Variants in GLI4 observed in about 807,000 individuals in gnomAD.
The protein encoded by GLI4 is GLI family zinc finger 4.
A neutral mutation model predicts 30.9 loss-of-function variants in GLI4; 34 were observed. That is an observed-to-expected ratio of 1.10 (90% CI 0.84 to 1.47). The LOEUF is 1.47. Ranked by LOEUF, GLI4 falls within the 40% of genes most tolerant of loss-of-function variation. The pLI is 0.00. For synonymous variants in GLI4, 277 were observed against 236.7 expected, an observed-to-expected ratio of 1.17 and a Z score of -1.56; for missense variants, 696 against 538.9, an observed-to-expected ratio of 1.29 and a Z score of -2.89.
At chr8:143,275,195 A>G (rs1214961204) in intron 3 of GLI4, 2 of 1,535,420 alleles carry the variant, frequency 1.3e-6, no homozygotes, top group Admixed American at 3.9e-5. Flanking sequence ...CATCCCCTAG[A>G]TGGCCTCCCC....
chr8:143,276,391 G>A lies in GLI4; in HGVS notation c.718G>A (p.Glu240Lys), dbSNP rs1201263692. ...HRIHTGEKPY[E>K]CGQCGRAFSH... Reference sequence around the variant, plus strand: ...CATCCACACGGGCGAGAAGCCCTACGAGTGCGGCCAGTGCGGCCGCGCCTT... The same window carrying A: ...CATCCACACGGGCGAGAAGCCCTACAAGTGCGGCCAGTGCGGCCGCGCCTT... Residue 240 changes from glutamate to lysine, a missense_variant, in exon 4 of 4, where the codon GAG becomes AAG. Glu to Lys is a moderately conservative substitution (Grantham distance 56). Coordinates refer to ENST00000340042, the MANE Select transcript of GLI4 (RefSeq NM_138465.4). 6.2e-7 allele frequency: 1 copy of A among 1,612,432 alleles called. No homozygotes were observed. Among genetic ancestry groups the A allele is most frequent in the East Asian group, 2.2e-5 (1 of 44,846 alleles).
Position 143,276,680 on chromosome 8 carries a change from C to T in GLI4, c.1007C>T (p.Ser336Leu), listed in dbSNP as rs148900662. The part of the protein sequence containing the change: ...SDCGKAFRGR[S>L]HFFRHLRTHT... ...TGCGGCAAAGCCTTCCGCGGCCGCT[C>T]GCACTTCTTCCGGCACCTGCGGACC... is the stretch of plus-strand genomic sequence containing the variant. The change falls in exon 4 of 4, where the codon TCG becomes TTG. Residue 336 changes from serine to leucine, a missense_variant. Transcript: ENST00000340042. 1.4e-3 allele frequency: 2,264 copies of T among 1,611,458 alleles called. 44 individuals are homozygous for T. Among genetic ancestry groups the T allele is most frequent in the Non-Finnish European group, 1.3e-4 (159 of 1,179,336 alleles).
rs775438304 is a variant in GLI4, at chr8:143,269,387, C to A, written c.-10C>A. Reference sequence around the variant, plus strand: ...CCCAGGTGTGACACCTTCAGCAGGTCTCAGGGAAGATGGCAGCCCTAGGGG... The same window carrying A: ...CCCAGGTGTGACACCTTCAGCAGGTATCAGGGAAGATGGCAGCCCTAGGGG... On this transcript the variant is annotated 5_prime_UTR_variant, in exon 2 of 4. Coordinates refer to ENST00000340042, the MANE Select transcript of GLI4 (RefSeq NM_138465.4). The A allele has an allele frequency of 6.2e-7, 1 of 1,611,470 alleles. No homozygotes were observed. The highest frequency in any genetic ancestry group is 1.7e-5 in the Admixed American group (1 of 59,826).
chr8:143,275,244 C>T, intron 3 of GLI4: 1 of 1,527,492 alleles, frequency 6.5e-7, no homozygotes. Flanking sequence ...CCCTGCACCT[C>T]CCCCTTGAGA....
intron 2 of GLI4, chr8:143,272,312 C>G (rs1815289076): frequency 6.6e-6 from 1 of 152,352 alleles, no homozygotes; most frequent in African/African-American, 2.4e-5. Flanking sequence ...CCCCCAGCGC[C>G]TAGCTTGCTC....
At chr8:143,274,417 G>A (rs963937940) in intron 2 of GLI4, 12 of 269,892 alleles carry the variant, frequency 4.4e-5, no homozygotes, top group Non-Finnish European at 7.0e-5. Context: ...TCAACGGCAG[G>A]AGGGCCGCTT....
chr8:143,274,691 C>A lies in GLI4; in HGVS notation c.125-13C>A, dbSNP rs1347279591. ...AGAGGGTGGAGGTGAGCCCCAGCCTCCCTGACCCCCAGGCTCCCCTGGCTC... is the reference window on the plus strand; with the variant it reads ...AGAGGGTGGAGGTGAGCCCCAGCCTACCTGACCCCCAGGCTCCCCTGGCTC... On this transcript the variant is annotated splice_polypyrimidine_tract_variant and intron_variant, in intron 2 of 3. Coordinates refer to ENST00000340042, the MANE Select transcript of GLI4 (RefSeq NM_138465.4). The A allele has an allele frequency of 6.5e-7, 1 of 1,545,214 alleles. No individual in the cohort carries two copies. The highest frequency in any genetic ancestry group is 1.2e-5 in the South Asian group (1 of 84,322).
At position 143,276,170 on chromosome 8, in the gene GLI4, G is replaced by A. The variant is rs1319449339; in HGVS notation, c.497G>A (p.Gly166Glu). The A allele has an allele frequency of 3.2e-6, 5 of 1,553,850 alleles. No homozygotes were observed. In the Middle Eastern group the frequency reaches 5.7e-4, roughly 177 times the overall value. ...EGAPERAAEL[G>E]VNFGRSRQGS... ...GCGCCCGAGCGGGCTGCCGAGCTGG[G>A]AGTCAACTTCGGTCGGAGCCGGCAG... Residue 166 changes from glycine to glutamate, a missense_variant, in exon 4 of 4, where the codon GGA becomes GAA. Coordinates refer to ENST00000340042, the MANE Select transcript of GLI4 (RefSeq NM_138465.4).
chr8:143,270,278 G>A (rs1178560452), intron 2 of GLI4, among the ~76,000 whole-genome samples: 1 of 152,234 alleles, frequency 6.6e-6, no homozygotes, highest in Non-Finnish European at 1.5e-5. Flanking sequence ...AGGGACCACT[G>A]AGGCTTGTGG....
rs373384193 is a variant in GLI4 at position 143,269,538 on chromosome 8, T to A, written c.124+18T>A. 1.2e-6 allele frequency: 2 copies of A among 1,606,790 alleles called. No individual in the cohort carries two copies. The highest frequency in any genetic ancestry group is 1.7e-6 in the Non-Finnish European group (2 of 1,174,204). The stretch of plus-strand genomic sequence containing the variant: ...TCAACATGGTACTCACCCAGCCCGC[T>A]GTGCGCCCTCCACCCTGCATCCCCT... On this transcript the variant is annotated intron_variant, in intron 2 of 3. Transcript: ENST00000340042.
intron 2 of GLI4, among the ~76,000 whole-genome samples, chr8:143,270,799 C>G (rs538907168): frequency 1.3e-5 from 2 of 152,304 alleles, no homozygotes; most frequent in African/African-American, 4.8e-5. Context: ...GGTGTGACTT[C>G]TCTAGGGGGA....
At chr8:143,269,129 A>T (rs1013525639) in intron 1 of GLI4, among the ~76,000 whole-genome samples, 1 of 152,108 alleles carries the variant, frequency 6.6e-6, no homozygotes, top group Non-Finnish European at 1.5e-5. Flanking sequence ...GGCATGAGCC[A>T]CCGTCCCCAG....
At chr8:143,275,663 T>C in intron 3 of GLI4, 1 of 1,240,310 alleles carries the variant, frequency 8.1e-7, no homozygotes, top group South Asian at 3.9e-5. Context: ...CTGTGGATGG[T>C]CCCAGCAGCT....
At position 143,276,515 on chromosome 8, in the gene GLI4, A is replaced by G. The variant is rs532758873; in HGVS notation, c.842A>G (p.Asn281Ser). Reference sequence around the variant, plus strand: ...GGCCAGGCCTTCAGCCAGAGCTCCAACCTGGTGCGCCACCAGCGGCTGCAC... The same window carrying G: ...GGCCAGGCCTTCAGCCAGAGCTCCAGCCTGGTGCGCCACCAGCGGCTGCAC... ...ECGQAFSQSS[N>S]LVRHQRLHTG... The change falls in exon 4 of 4, where the codon AAC becomes AGC. Residue 281 changes from asparagine (N) to serine (S), a missense_variant. Coordinates refer to ENST00000340042, the MANE Select transcript of GLI4 (RefSeq NM_138465.4). 7 of 1,610,526 alleles carry G rather than the reference A, an allele frequency of 4.3e-6. No homozygotes were observed. Among genetic ancestry groups the G allele is most frequent in the Admixed American group, 1.7e-5 (1 of 59,802 alleles).
At chr8:143,275,710 A>G (rs2129689527) in intron 3 of GLI4, 187 bp from the exon 4 acceptor site, 6 of 1,235,212 alleles carry the variant, frequency 4.9e-6, no homozygotes, top group East Asian at 6.4e-5. Context: ...CCCTGTGTCT[A>G]TGTCAGCTCT....
chr8:143,274,568 G>C, intron 2 of GLI4, 136 bp from the exon 3 acceptor site: 2 of 764,738 alleles, frequency 2.6e-6, no homozygotes, highest in East Asian at 3.1e-5. Context: ...CCCAAGCAGC[G>C]GGCCTGCTGT....
chr8:143,276,652 G>A lies in GLI4; in HGVS notation c.979G>A (p.Asp327Asn). Residue 327 changes from aspartate to asparagine, a missense_variant, in exon 4 of 4, where the codon GAC becomes AAC. Asp to Asn is a conservative substitution (Grantham distance 23). Transcript: ENST00000340042. ...HTGEKPYECS[D>N]CGKAFRGRSH... is the part of the protein sequence containing the mutation. ...TGGCGAGAAGCCCTACGAGTGCTCC[G>A]ACTGCGGCAAAGCCTTCCGCGGCCG... is the stretch of plus-strand genomic sequence containing the variant. The A allele has an allele frequency of 6.2e-7, 1 of 1,612,146 alleles. No individual in the cohort carries two copies. The highest frequency in any genetic ancestry group is 8.5e-7 in the Non-Finnish European group (1 of 1,179,616).
intron 2 of GLI4, 23 bp from the exon 3 acceptor site, chr8:143,274,681 G>T: frequency 6.5e-7 from 1 of 1,538,090 alleles, no homozygotes; most frequent in Non-Finnish European, 8.8e-7. Flanking sequence ...GTGGAGGTGA[G>T]CCCCAGCCTC....
At chr8:143,269,263 A>G (rs1218312974) in intron 1 of GLI4, 97 bp from the exon 2 acceptor site, 1 of 876,514 alleles carries the variant, frequency 1.1e-6, no homozygotes, top group African/African-American at 1.7e-5. Context: ...ATAAACCTCC[A>G]TCTCCCCTTG....
Sources: allele counts gnomAD v4.1 joint callset (sites outside exome capture counted in the v4.1 genomes callset), GRCh38; gene constraint gnomAD v4.1.1; transcripts MANE v1.5; gene names NCBI Gene and HGNC (gene_info 2026-07-23, HGNC 2026-07-21).